The following CLSTN2 variants were observed in gnomAD, a reference collection of about 807,000 sequenced individuals.
CLSTN2 encodes calsyntenin-2.
In CLSTN2, 48 loss-of-function variants were observed where a neutral mutation model predicts 101.2. The observed-to-expected ratio is 0.47, with a 90% CI of 0.38 to 0.60. The LOEUF is 0.60. Among genes scored for constraint, CLSTN2 ranks in the 20% least tolerant of loss-of-function variants. CLSTN2 has a pLI of 0.00. For synonymous variants in CLSTN2, 481 were observed against 463.6 expected, an observed-to-expected ratio of 1.04 and a Z score of -0.48; for missense variants, 1,160 against 1,238.2, an observed-to-expected ratio of 0.94 and a Z score of 0.95.
intron 5 of CLSTN2, among the ~76,000 whole-genome samples, chr3:140,447,672 A>G (rs1198762483): frequency 6.6e-6 from 1 of 152,244 alleles, no homozygotes; most frequent in Non-Finnish European, 1.5e-5. Flanking sequence ...TTGTGACCTC[A>G]TGAGATCCTT....
In CLSTN2 at chr3:140,375,447, G is replaced by A. The variant is rs77002682; in HGVS notation, c.233-28182G>A. Among the ~76,000 whole-genome samples, 42 of 152,286 alleles carry A rather than the reference G, an allele frequency of 2.8e-4. No homozygotes were observed. In the East Asian group the frequency reaches 7.9e-3, roughly 29 times the overall value. ...AGGCCATGACAGTTTTTATTCATGG[G>A]GACCCAGCCTTAAGCACATGCCTCA... On this transcript the variant is annotated intron_variant, in intron 2 of 16. Transcript: ENST00000458420.
At chr3:140,435,298 A>G (rs770183353) in intron 5 of CLSTN2, among the ~76,000 whole-genome samples, 8 of 152,166 alleles carry the variant, frequency 5.3e-5, no homozygotes, top group Non-Finnish European at 1.0e-4. Flanking sequence ...AGATCCCACA[A>G]ATAAGTGAGA....
At chr3:139,955,210 C>G (rs571796660) in intron 1 of CLSTN2, among the ~76,000 whole-genome samples, 1 of 145,208 alleles carries the variant, frequency 6.9e-6, no homozygotes, top group Non-Finnish European at 1.5e-5. Flanking sequence ...GTGGCTGACC[C>G]GTGCATTGTG....
chr3:140,270,654 T>C lies in CLSTN2; in HGVS notation c.232+94581T>C, dbSNP rs531396458. 2.6e-5 allele frequency among the ~76,000 whole-genome samples: 4 copies of C among 152,238 alleles called. No homozygotes were observed. The South Asian group carries it at 6.2e-4, about 24-fold the overall frequency. On this transcript the variant is annotated intron_variant, in intron 2 of 16. Coordinates refer to ENST00000458420, the MANE Select transcript of CLSTN2 (RefSeq NM_022131.3). ...AAGAGGGCTGTGGATGCTAGGGTGG[T>C]AGCAGGTTCACCTTATAGGTCTGTG...
At chr3:139,953,947 G>A (rs999184653) in intron 1 of CLSTN2, among the ~76,000 whole-genome samples, 7 of 152,074 alleles carry the variant, frequency 4.6e-5, no homozygotes, top group African/African-American at 1.7e-4. Context: ...GTGTGTGTGT[G>A]TGTGTGTTTG....
In CLSTN2 at chr3:140,419,550, CGT is replaced by C; in HGVS notation, c.638-1572_638-1571del. On this transcript the variant is annotated intron_variant, in intron 4 of 16. Coordinates refer to ENST00000458420, the MANE Select transcript of CLSTN2 (RefSeq NM_022131.3). ...GTGTGTGTATATATATACATATATA[CGT>C]GTACGTATATATGTATATATACATA... Among the ~76,000 whole-genome samples, 2 of 47,962 alleles carry C rather than the reference CGT, an allele frequency of 4.2e-5. 1 individual carries two copies. The highest frequency in any genetic ancestry group is 5.8e-4 in the African/African-American group (2 of 3,460). The allele number at this position is 47,962 out of a possible 152,430, so 31.5% of individuals were successfully genotyped here.
Position 140,042,834 on chromosome 3 carries a change from C to T in CLSTN2, c.109+107351C>T, listed in dbSNP as rs528779703. 7.2e-5 allele frequency among the ~76,000 whole-genome samples: 11 copies of T among 152,252 alleles called. No individual in the cohort carries two copies. The East Asian group carries it at 2.1e-3, about 29-fold the overall frequency. On this transcript the variant is annotated intron_variant, in intron 1 of 16. Coordinates refer to ENST00000458420, the MANE Select transcript of CLSTN2 (RefSeq NM_022131.3). ...TGATGGTTTGCAGCTTCATCCATGTCCCTATAAAAGACATGAACTCATCCT... is the reference window on the plus strand; with the variant it reads ...TGATGGTTTGCAGCTTCATCCATGTTCCTATAAAAGACATGAACTCATCCT...
intron 3 of CLSTN2, 54 bp downstream of exon 3, chr3:140,403,878 C>A: frequency 7.3e-7 from 1 of 1,377,020 alleles, no homozygotes. Context: ...GCCCACCCCA[C>A]TTCATTCACA....
intron 1 of CLSTN2, among the ~76,000 whole-genome samples, chr3:140,106,133 T>C (rs1054473726): frequency 1.3e-5 from 2 of 152,280 alleles, no homozygotes; most frequent in Admixed American, 6.5e-5. Context: ...CTTCTCCTTC[T>C]TTTTTACAAA....
At chr3:140,134,136 G>A (rs1290443447) in intron 1 of CLSTN2, among the ~76,000 whole-genome samples, 1 of 152,102 alleles carries the variant, frequency 6.6e-6, no homozygotes, top group African/African-American at 2.4e-5. Flanking sequence ...TTCTCACCTG[G>A]CTTGGAGTCC....
At chr3:139,941,773 G>A (rs2107806790) in intron 1 of CLSTN2, among the ~76,000 whole-genome samples, 1 of 152,288 alleles carries the variant, frequency 6.6e-6, no homozygotes, top group East Asian at 1.9e-4. Flanking sequence ...TGAAGAGGGA[G>A]CTCAGCCAGG....
At chr3:140,316,713 C>G (rs1426062094) in intron 2 of CLSTN2, among the ~76,000 whole-genome samples, 2 of 152,180 alleles carry the variant, frequency 1.3e-5, no homozygotes, top group Non-Finnish European at 2.9e-5. Flanking sequence ...GAGGCTCACA[C>G]ATTTCCCACA....
chr3:139,937,618 C>G (rs1330104304), intron 1 of CLSTN2, among the ~76,000 whole-genome samples: 12 of 151,526 alleles, frequency 7.9e-5, no homozygotes, highest in African/African-American at 2.9e-4. Context: ...GTGACACGCA[C>G]CTGTAATCCC....
chr3:140,309,265 G>T (rs1189788841), intron 2 of CLSTN2, among the ~76,000 whole-genome samples: 1 of 152,120 alleles, frequency 6.6e-6, no homozygotes, highest in Non-Finnish European at 1.5e-5. Flanking sequence ...TCTGAGGAAG[G>T]CCAAGTAGGA....
At chr3:140,106,204 C>G (rs900174581) in intron 1 of CLSTN2, among the ~76,000 whole-genome samples, 2 of 152,144 alleles carry the variant, frequency 1.3e-5, no homozygotes, top group South Asian at 4.1e-4. Flanking sequence ...AACAGGTGAC[C>G]AGGGTCTATT....
intron 2 of CLSTN2, among the ~76,000 whole-genome samples, chr3:140,305,817 GT>G (rs570296192): frequency 1.5e-4 from 23 of 149,424 alleles, no homozygotes; most frequent in African/African-American, 3.2e-4. Context: ...ATGAATATGG[GT>G]TTTTTTTTTC....
At chr3:140,020,427 A>C (rs16849696) in intron 1 of CLSTN2, among the ~76,000 whole-genome samples, 10,117 of 152,176 alleles carry the variant, frequency 0.066, 456 homozygotes, top group East Asian at 0.17. Flanking sequence ...GAATACTGGA[A>C]TCTCTAAACC....
intron 2 of CLSTN2, among the ~76,000 whole-genome samples, chr3:140,364,071 T>C (rs562104980): frequency 9.2e-5 from 14 of 152,236 alleles, no homozygotes; most frequent in Non-Finnish European, 1.6e-4. Context: ...ATTGCTGTAC[T>C]GTTTTCTAAG....
chr3:140,384,840 C>T (rs190770741), intron 2 of CLSTN2, among the ~76,000 whole-genome samples: 2 of 152,336 alleles, frequency 1.3e-5, no homozygotes, highest in Admixed American at 6.5e-5. Flanking sequence ...TAAAATATTC[C>T]TGTTCCCCTT....
Sources: gnomAD v4.1 joint callset for allele counts (sites outside exome capture counted in the v4.1 genomes callset) on GRCh38, gnomAD v4.1.1 for gene constraint, MANE v1.5 for transcripts, NCBI Gene and HGNC (gene_info 2026-07-23, HGNC 2026-07-21) for gene names.